CXADR: variants seen among roughly 807,000 people sequenced by gnomAD.
The protein encoded by CXADR is coxsackievirus and adenovirus receptor.
A neutral mutation model predicts 40.3 loss-of-function variants in CXADR; 20 were observed. The observed-to-expected ratio is 0.50, with a 90% CI of 0.35 to 0.72. CXADR has a LOEUF of 0.72. Ranked by LOEUF, CXADR falls within the 30% of genes least tolerant of loss-of-function variation. CXADR has a pLI of 0.01. For missense variants in CXADR, 332 were observed against 449.1 expected (o/e 0.74, Z 2.36); for synonymous variants, 150 against 161.3 (o/e 0.93, Z 0.53).
At position 17,559,450 on chromosome 21, in the gene CXADR, G is replaced by A. The variant is rs1018009953; in HGVS notation, c.571+319G>A. On this transcript the variant is annotated intron_variant, in intron 4 of 6. Coordinates refer to ENST00000284878, the MANE Select transcript of CXADR (RefSeq NM_001338.5). ...TCCTCTTTCCTTGGCCTCCCAAAGT[G>A]CTGGGATTACAGGCATGAGCCCAGG... Among the ~76,000 whole-genome samples, 6 of 151,356 alleles carry A rather than the reference G, an allele frequency of 4.0e-5. No homozygotes were observed. The East Asian group carries it at 7.9e-4, about 20-fold the overall frequency.
intron 7 of CXADR, chr21:17,576,795 A>AC: frequency 6.6e-6 from 1 of 152,308 alleles, no homozygotes; most frequent in African/African-American, 2.4e-5. Context: ...CAAAAGCAGA[A>AC]CCAGCAGTTC....
intron 1 of CXADR, among the ~76,000 whole-genome samples, chr21:17,539,852 C>T (rs1309732686): frequency 6.6e-6 from 1 of 152,110 alleles, no homozygotes; most frequent in Non-Finnish European, 1.5e-5. Flanking sequence ...AAATCATTAC[C>T]TTCATGTCCA....
downstream of CXADR, among the ~76,000 whole-genome samples, chr21:17,572,460 C>T (rs562204393): frequency 1.8e-4 from 27 of 152,168 alleles, no homozygotes; most frequent in East Asian, 4.4e-3. Context: ...AGTTAACTTG[C>T]GCAAATACAG....
chr21:17,557,054 A>G (rs2061044987), intron 3 of CXADR, among the ~76,000 whole-genome samples: 1 of 152,266 alleles, frequency 6.6e-6, no homozygotes. Context: ...CTGCAAAACA[A>G]AAATGCATTT....
In CXADR at chr21:17,565,923, T is replaced by G; in HGVS notation, c.*231T>G. On this transcript the variant is annotated 3_prime_UTR_variant, in exon 7 of 7. Coordinates refer to ENST00000284878, the MANE Select transcript of CXADR (RefSeq NM_001338.5). ...CCATCTGAAAAAGCTGGATTTTCTT[T>G]AAGAGGTTGATTATAAAGTTTTCTA... 8.3e-7 allele frequency: 1 copy of G among 1,205,270 alleles called. No homozygotes were observed. The highest frequency in any genetic ancestry group is 1.0e-6 in the Non-Finnish European group (1 of 968,258). The allele number at this position is 1,205,270 out of a possible 1,614,324, so 74.7% of individuals were successfully genotyped here. A position where few individuals can be genotyped will look rare whatever the true frequency, so the allele number is the denominator to read the frequency against.
chr21:17,518,669 A>G, intron 1 of CXADR: 2 of 1,610,072 alleles, frequency 1.2e-6, no homozygotes, highest in Non-Finnish European at 1.7e-6. Context: ...AGGCTTGTTA[A>G]ACTGTCAGCA....
chr21:17,593,038 C>A, intron 7 of CXADR: 1 of 932,782 alleles, frequency 1.1e-6, no homozygotes, highest in Non-Finnish European at 1.4e-6. Flanking sequence ...TTTAAGACTG[C>A]AAATTTAAAG....
intron 3 of CXADR, 139 bp downstream of exon 3, chr21:17,552,092 G>C (rs2123270561): frequency 1.5e-6 from 1 of 648,862 alleles, no homozygotes; most frequent in East Asian, 2.8e-5. Context: ...CTTCTATGTT[G>C]GATAGCATCA....
chr21:17,513,673 C>T (rs1353813771), intron 1 of CXADR, among the ~76,000 whole-genome samples: 2 of 152,194 alleles, frequency 1.3e-5, no homozygotes, highest in African/African-American at 4.8e-5. Context: ...TGCCTCGGAT[C>T]GGCCAGGCTA....
intron 1 of CXADR, among the ~76,000 whole-genome samples, chr21:17,537,697 A>T (rs1326406187): frequency 6.6e-6 from 1 of 152,128 alleles, no homozygotes; most frequent in Non-Finnish European, 1.5e-5. Context: ...TTCCTCAGCG[A>T]TAGAAAAAAG....
Position 17,563,940 on chromosome 21 carries a change from C to CAAAAAAAAAAAAAAAAA in CXADR, c.834-1483_834-1467dup, listed in dbSNP as rs35020228. On this transcript the variant is annotated intron_variant, in intron 6 of 6. Transcript: ENST00000284878. ...TGGGCAACAGAGCAAGACTCTGTCT[C>CAAAAAAAAAAAAAAAAA]AAAAAAAAAAAAAAAAAAAAAGGTA... 8.2e-3 allele frequency among the ~76,000 whole-genome samples: 304 copies of CAAAAAAAAAAAAAAAAA among 37,190 alleles called. 71 individuals carry two copies. The highest frequency in any genetic ancestry group is 0.015 in the East Asian group (16 of 1,082). 24.4% of individuals were successfully genotyped at this position (37,190 alleles called of 152,430 possible).
chr21:17,611,435 G>A, the CXADR span, among the ~76,000 whole-genome samples: 1 of 152,188 alleles, frequency 6.6e-6, no homozygotes, highest in Non-Finnish European at 1.5e-5. Context: ...CCACTTAGTG[G>A]TTGCTTTTGG....
the CXADR span, among the ~76,000 whole-genome samples, chr21:17,616,267 G>GAA: frequency 4.9e-5 from 7 of 142,046 alleles, no homozygotes; most frequent in African/African-American, 1.5e-4. Context: ...AGAAAAGAAG[G>GAA]AAAAAAAAAC....
chr21:17,598,090 A>T (rs546102612), downstream of CXADR, among the ~76,000 whole-genome samples: 95 of 152,212 alleles, frequency 6.2e-4, no homozygotes, highest in Non-Finnish European at 1.2e-3. Context: ...TGGTATGTAG[A>T]TATAAATAGT....
At chr21:17,546,930 C>T in intron 1 of CXADR, 97 bp from the exon 2 acceptor site, 1 of 1,429,776 alleles carries the variant, frequency 7.0e-7, no homozygotes, top group Non-Finnish European at 9.6e-7. Context: ...GTCCTGTATC[C>T]CTCGCATCAA....
At position 17,565,460 on chromosome 21, in the gene CXADR, C is replaced by T; in HGVS notation, c.866C>T (p.Ser289Phe). The T allele has an allele frequency of 6.2e-7, 1 of 1,613,936 alleles. No individual in the cohort carries two copies. The highest frequency in any genetic ancestry group is 8.5e-7 in the Non-Finnish European group (1 of 1,179,856). The change falls in exon 7 of 7, where the codon TCC (serine) becomes TTC (phenylalanine). Residue 289 changes from serine to phenylalanine, a missense_variant. By Grantham distance (155) the Ser-to-Phe change is radical (BLOSUM62 -2). Around this residue, in one of 3 missense-constraint regions of CXADR, gnomAD observed 150 missense variants for 194.2 expected, o/e 0.77. Coordinates refer to ENST00000284878, the MANE Select transcript of CXADR (RefSeq NM_001338.5). ...EDVPPPKSRT[S>F]TARSYIGSNH... is the part of the protein sequence containing the mutation. ...GTGCCACCTCCAAAGAGCCGTACGT[C>T]CACTGCCAGAAGCTACATCGGCAGT...
Position 17,569,240 on chromosome 21 carries a change from T to C in CXADR, c.*3548T>C, listed in dbSNP as rs1020273779. ...GCAGTGTTTAGGGCTTTCAGATGCC[T>C]TATTCCAGTGTGAACAGAAAAAGTT... On this transcript the variant is annotated 3_prime_UTR_variant, in exon 7 of 7. Transcript: ENST00000284878. 1.5e-5 allele frequency: 15 copies of C among 985,268 alleles called. No homozygotes were observed. The highest frequency in any genetic ancestry group is 1.0e-3 in the Middle Eastern group (2 of 1,936). 61.0% of individuals were successfully genotyped at this position (985,268 alleles called of 1,614,324 possible).
intron 3 of CXADR, among the ~76,000 whole-genome samples, chr21:17,558,247 GC>G (rs146991760): frequency 0.015 from 2,254 of 151,960 alleles, 68 homozygotes; most frequent in African/African-American, 0.051. Flanking sequence ...TCCTACCCCA[GC>G]CTCCCAAGTA....
In CXADR at chr21:17,565,458, G is replaced by C. The variant is rs145951623; in HGVS notation, c.864G>C (p.Thr288=). 6.2e-6 allele frequency: 10 copies of C among 1,613,908 alleles called. No homozygotes were observed. The highest frequency in any genetic ancestry group is 8.5e-6 in the Non-Finnish European group (10 of 1,179,850). ...ATGTGCCACCTCCAAAGAGCCGTAC[G>C]TCCACTGCCAGAAGCTACATCGGCA... ...REDVPPPKSR[T]STARSYIGSN... is the part of the protein sequence containing the mutation. The change falls in exon 7 of 7, where the codon ACG becomes ACC. Residue 288 remains threonine (T), a synonymous_variant. Coordinates refer to ENST00000284878, the MANE Select transcript of CXADR (RefSeq NM_001338.5).
Sources: gnomAD v4.1 joint callset for allele counts (sites outside exome capture counted in the v4.1 genomes callset) on GRCh38, gnomAD v4.1.1 for gene constraint, gnomAD v4.1.1 regional missense constraint, MANE v1.5 for transcripts, NCBI Gene and HGNC (gene_info 2026-07-23, HGNC 2026-07-21) for gene names.